FHOD3: variants seen among roughly 807,000 people sequenced by gnomAD.
FHOD3 encodes the protein FH1/FH2 domain-containing protein 3.
Under a neutral mutation model 173.0 loss-of-function variants are expected in FHOD3, and 90 were observed. The ratio of observed to expected loss-of-function variants is 0.52; its 90% CI spans 0.44 to 0.62. FHOD3 has a LOEUF of 0.62. FHOD3 is among the 20% of genes least tolerant of loss of function. FHOD3 has a pLI of 0.00. For missense variants in FHOD3, 1,945 were observed against 2,034.7 expected, an observed-to-expected ratio of 0.96 and a Z score of 0.85; for synonymous variants, 828 against 823.0, an observed-to-expected ratio of 1.01 and a Z score of -0.10.
intron 3 of FHOD3, among the ~76,000 whole-genome samples, chr18:36,469,715 A>C (rs1274465239): frequency 1.3e-5 from 2 of 152,054 alleles, no homozygotes; most frequent in Non-Finnish European, 2.9e-5. Context: ...GTTGGATCTC[A>C]ATGTGAAACC....
chr18:36,461,441 G>GTT lies in FHOD3; in HGVS notation c.338-40483_338-40482dup, dbSNP rs147549416. On this transcript the variant is annotated intron_variant, in intron 3 of 28. Coordinates refer to ENST00000590592, the MANE Select transcript of FHOD3 (RefSeq NM_001281740.3). ...GGGAACCCAAATTTGAGCTCAGTCT[G>GTT]TTTTTTTTTGTGTGTGTGTTTTTTT... 2.6e-3 allele frequency among the ~76,000 whole-genome samples: 384 copies of GTT among 146,160 alleles called. 1 individual carries two copies. The highest frequency in any genetic ancestry group is 8.7e-3 in the African/African-American group (339 of 39,002).
chr18:36,337,336 C>A (rs752833841), intron 1 of FHOD3, among the ~76,000 whole-genome samples: 1 of 152,186 alleles, frequency 6.6e-6, no homozygotes, highest in East Asian at 1.9e-4. Context: ...CACACCAGAC[C>A]TGGTCACAGT....
intron 5 of FHOD3, among the ~76,000 whole-genome samples, chr18:36,552,219 T>C (rs1283250253): frequency 1.3e-5 from 2 of 152,132 alleles, no homozygotes; most frequent in African/African-American, 4.8e-5. Context: ...TCACAGCCCT[T>C]TAAGTTGGAT....
chr18:36,559,721 C>T lies in FHOD3; in HGVS notation c.512-16730C>T, dbSNP rs75859380. 7.9e-3 allele frequency among the ~76,000 whole-genome samples: 1,198 copies of T among 152,158 alleles called. 8 individuals carry two copies. The highest frequency in any genetic ancestry group is 0.028 in the African/African-American group (1,142 of 41,502). On this transcript the variant is annotated intron_variant, in intron 5 of 28. Coordinates refer to ENST00000590592, the MANE Select transcript of FHOD3 (RefSeq NM_001281740.3). ...TGATGAAATCAGCTTAGATAGAGCC[C>T]GTGGCCTTAAGTGATTGCTGTTAAA...
At chr18:36,673,000 A>C (rs1442796407) in intron 14 of FHOD3, among the ~76,000 whole-genome samples, 1 of 152,170 alleles carries the variant, frequency 6.6e-6, no homozygotes, top group Non-Finnish European at 1.5e-5. Context: ...TATCTTTATA[A>C]AGATTTCCTG....
intron 3 of FHOD3, among the ~76,000 whole-genome samples, chr18:36,389,262 T>C (rs62086160): frequency 0.14 from 21,103 of 152,160 alleles, 1,917 homozygotes; most frequent in Middle Eastern, 0.33. Flanking sequence ...TTTTTTCCTT[T>C]CTTCTCCCTT....
intron 1 of FHOD3, among the ~76,000 whole-genome samples, chr18:36,343,279 G>A (rs1423284384): frequency 6.6e-6 from 1 of 152,270 alleles, no homozygotes; most frequent in Middle Eastern, 3.4e-3. Context: ...CTGAGGAATG[G>A]ATAAATAAAA....
intron 20 of FHOD3, among the ~76,000 whole-genome samples, chr18:36,733,440 C>T (rs2041473685): frequency 6.6e-6 from 1 of 152,130 alleles, no homozygotes; most frequent in Admixed American, 6.5e-5. Flanking sequence ...CCAGAGCCAG[C>T]CTGATTAAAA....
At chr18:36,713,789 T>C (rs1410332086) in intron 18 of FHOD3, among the ~76,000 whole-genome samples, 4 of 152,030 alleles carry the variant, frequency 2.6e-5, no homozygotes, top group Non-Finnish European at 5.9e-5. Context: ...AATTTGAAAA[T>C]TTGTTAAAGT....
chr18:36,700,005 G>A (rs958191564), intron 17 of FHOD3, among the ~76,000 whole-genome samples: 1 of 152,134 alleles, frequency 6.6e-6, no homozygotes, highest in Non-Finnish European at 1.5e-5. Flanking sequence ...TGAGTCGCGT[G>A]CATTTCTCAT....
At chr18:36,592,415 C>T (rs1235582942) in intron 6 of FHOD3, among the ~76,000 whole-genome samples, 1 of 152,212 alleles carries the variant, frequency 6.6e-6, no homozygotes, top group Non-Finnish European at 1.5e-5. Flanking sequence ...ATGAACTCTG[C>T]TGTGTGAAAA....
At chr18:36,621,396 G>A (rs1481685056) in intron 9 of FHOD3, among the ~76,000 whole-genome samples, 1 of 152,182 alleles carries the variant, frequency 6.6e-6, no homozygotes, top group Non-Finnish European at 1.5e-5. Context: ...CCCTGTTCCT[G>A]ATGTTTTGGG....
intron 3 of FHOD3, among the ~76,000 whole-genome samples, chr18:36,474,718 C>A (rs190093948): frequency 6.6e-6 from 1 of 152,224 alleles, no homozygotes; most frequent in East Asian, 1.9e-4. Flanking sequence ...ACAACCACAC[C>A]TCTTAGATCA....
chr18:36,347,272 T>G (rs1227678424), intron 1 of FHOD3, among the ~76,000 whole-genome samples: 3 of 152,260 alleles, frequency 2.0e-5, no homozygotes, highest in Non-Finnish European at 1.5e-5. Flanking sequence ...GTTTAATGTA[T>G]TTTTGGCTAT....
At chr18:36,528,943 A>G (rs1350235934) in intron 5 of FHOD3, among the ~76,000 whole-genome samples, 1 of 152,190 alleles carries the variant, frequency 6.6e-6, no homozygotes, top group Admixed American at 6.5e-5. Context: ...GTGGGTTGGC[A>G]TTAGCTGGAC....
chr18:36,774,846 T>C (rs1438683166), intron 28 of FHOD3, among the ~76,000 whole-genome samples: 1 of 152,232 alleles, frequency 6.6e-6, no homozygotes, highest in Non-Finnish European at 1.5e-5. Flanking sequence ...AGATTGCATT[T>C]AGCCCTCATG....
intron 3 of FHOD3, among the ~76,000 whole-genome samples, chr18:36,396,320 A>C (rs1005512628): frequency 6.6e-6 from 1 of 152,118 alleles, no homozygotes; most frequent in African/African-American, 2.4e-5. Context: ...TCAATATTCT[A>C]TTCCTTTGCT....
chr18:36,341,771 C>G (rs1340985678), intron 1 of FHOD3, among the ~76,000 whole-genome samples: 1 of 152,098 alleles, frequency 6.6e-6, no homozygotes, highest in African/African-American at 2.4e-5. Context: ...GAGATCTGTT[C>G]CTATGGCTTG....
intron 24 of FHOD3, among the ~76,000 whole-genome samples, chr18:36,751,123 T>A (rs1005837106): frequency 1.3e-5 from 2 of 152,248 alleles, no homozygotes; most frequent in African/African-American, 4.8e-5. Context: ...CATGGGATAT[T>A]TTCCATTTGT....
Sources: gnomAD v4.1 joint callset for allele counts (sites outside exome capture counted in the v4.1 genomes callset) on GRCh38, gnomAD v4.1.1 for gene constraint, MANE v1.5 for transcripts, NCBI Gene and HGNC (gene_info 2026-07-23, HGNC 2026-07-21) for gene names.